FREM2: variants seen among roughly 807,000 people sequenced by gnomAD.
The protein encoded by FREM2 is FRAS1-related extracellular matrix protein 2.
A neutral mutation model predicts 219.9 loss-of-function variants in FREM2; 119 were observed. That is an observed-to-expected ratio of 0.54 (90% CI 0.47 to 0.63). The LOEUF (loss-of-function observed/expected upper bound fraction) is 0.63. Among genes scored for constraint, FREM2 ranks in the 30% least tolerant of loss-of-function variants. FREM2 has a pLI of 0.00. For missense variants in FREM2, 4,030 were observed against 3,993.6 expected, an observed-to-expected ratio of 1.01 and a Z score of -0.25; for synonymous variants, 1,562 against 1,522.8, an observed-to-expected ratio of 1.03 and a Z score of -0.60.
At chr13:38,879,288 A>G (rs1157939178) in intron 23 of FREM2, among the ~76,000 whole-genome samples, 1 of 152,234 alleles carries the variant, frequency 6.6e-6, no homozygotes, top group African/African-American at 2.4e-5. Flanking sequence ...TTTAGCCCAG[A>G]ATATAAATCT....
intron 6 of FREM2, among the ~76,000 whole-genome samples, chr13:38,833,690 T>G (rs929200218): frequency 6.8e-6 from 1 of 146,688 alleles, no homozygotes; most frequent in African/African-American, 2.4e-5. Context: ...TCCTTTGGAT[T>G]TATTTATTTA....
intron 6 of FREM2, among the ~76,000 whole-genome samples, chr13:38,841,853 T>C (rs1186730603): frequency 1.3e-5 from 2 of 152,208 alleles, no homozygotes; most frequent in African/African-American, 2.4e-5. Flanking sequence ...TTGCATTGAT[T>C]AAACTAAGTG....
Position 38,851,053 on chromosome 13 carries a change from G to A in FREM2, c.6687G>A (p.Gly2229=). The A allele has an allele frequency of 3.1e-6, 5 of 1,613,988 alleles. No individual in the cohort carries two copies. The highest frequency in any genetic ancestry group is 4.2e-6 in the Non-Finnish European group (5 of 1,179,982). ...LGTPQSNSPF[G]AAVGEQNETL... ...CTCCACAAAGCAACTCTCCCTTTGG[G>A]GCTGCAGTTGGTGAACAAAATGAAA... The change falls in exon 10 of 24, where the codon GGG becomes GGA. Residue 2229 remains glycine (G), a synonymous_variant. Transcript: ENST00000280481.
In FREM2 at chr13:38,884,063, A is replaced by G. The variant is rs1043440391; in HGVS notation, c.*3276A>G. On this transcript the variant is annotated 3_prime_UTR_variant, in exon 24 of 24. Coordinates refer to ENST00000280481, the MANE Select transcript of FREM2 (RefSeq NM_207361.6). Reference sequence around the variant, plus strand: ...CTTCTTCCAGCTCGTTAGCAGCATTAGCACCTTCTGAATTCCACCCTCTCA... The same window carrying G: ...CTTCTTCCAGCTCGTTAGCAGCATTGGCACCTTCTGAATTCCACCCTCTCA... 6.6e-6 allele frequency: 1 copy of G among 152,210 alleles called. No individual in the cohort carries two copies. The highest frequency in any genetic ancestry group is 1.5e-5 in the Non-Finnish European group (1 of 68,048). 9.4% of individuals were successfully genotyped at this position (152,210 alleles called of 1,614,324 possible).
chr13:38,755,750 G>C (rs1205504407), intron 2 of FREM2, among the ~76,000 whole-genome samples: 1 of 152,210 alleles, frequency 6.6e-6, no homozygotes, highest in Non-Finnish European at 1.5e-5. Context: ...GGGAACCCCA[G>C]ATGTGGGCTG....
chr13:38,877,587 C>T (rs1021738757), intron 21 of FREM2, among the ~76,000 whole-genome samples: 4 of 152,008 alleles, frequency 2.6e-5, no homozygotes, highest in Non-Finnish European at 5.9e-5. Flanking sequence ...ATTGTGCCTG[C>T]CTTACTCAAT....
Position 38,846,641 on chromosome 13 carries a change from G to T in FREM2, c.6088G>T (p.Val2030Leu). The change falls in exon 7 of 24, where the codon GTG (valine) becomes TTG (leucine). Residue 2030 changes from valine (V) to leucine (L), a missense_variant. Around this residue, in one of 2 missense-constraint regions of FREM2, gnomAD observed 3,102 missense variants for 2,950.7 expected, o/e 1.05. Transcript: ENST00000280481. ...GAGTGCTGGCTATGTGGAAGTGCAG[G>T]TGTGGAGAACGGGCACTGACCTGTC... is the stretch of plus-strand genomic sequence containing the variant. ...DESAGYVEVQVWRTGTDLSKS... is the reference protein window; with the variant it reads ...DESAGYVEVQLWRTGTDLSKS... 1.9e-6 allele frequency: 3 copies of T among 1,613,852 alleles called. No homozygotes were observed. The highest frequency in any genetic ancestry group is 1.7e-5 in the Admixed American group (1 of 60,012).
chr13:38,702,858 A>G (rs974336132), intron 2 of FREM2, among the ~76,000 whole-genome samples: 1 of 152,238 alleles, frequency 6.6e-6, no homozygotes. Context: ...TGTGTTGGCC[A>G]TTATAGTGTT....
chr13:38,770,182 A>C (rs541969350), intron 4 of FREM2, among the ~76,000 whole-genome samples: 95 of 147,898 alleles, frequency 6.4e-4, no homozygotes, highest in African/African-American at 2.2e-3. Context: ...TTATATATAA[A>C]TTATTTACAT....
At chr13:38,804,415 C>A (rs1875140914) in intron 6 of FREM2, among the ~76,000 whole-genome samples, 1 of 151,594 alleles carries the variant, frequency 6.6e-6, no homozygotes, top group Admixed American at 6.6e-5. Context: ...AATATCTTGC[C>A]ATTTAAAAAA....
intron 6 of FREM2, among the ~76,000 whole-genome samples, chr13:38,814,870 T>G (rs989592960): frequency 3.9e-5 from 6 of 152,182 alleles, no homozygotes; most frequent in Non-Finnish European, 8.8e-5. Flanking sequence ...TGGGGGGCTC[T>G]ACTAGGCCAC....
chr13:38,809,179 C>T (rs918237370), intron 6 of FREM2, among the ~76,000 whole-genome samples: 2 of 150,306 alleles, frequency 1.3e-5, no homozygotes, highest in South Asian at 2.1e-4. Context: ...TTTTTATACT[C>T]TCAGTAGTAT....
chr13:38,880,683 A>C lies in FREM2; in HGVS notation c.9406A>C (p.Arg3136=), dbSNP rs1428441401. The change falls in exon 24 of 24, where the codon AGG becomes CGG. Residue 3136 remains arginine, a synonymous_variant. Transcript: ENST00000280481. Reference sequence around the variant, plus strand: ...CACTGTCATTGCAGTGCTGATGTGCAGGGGCAAGGAAAGTTTCAGGGGGAA... The same window carrying C: ...CACTGTCATTGCAGTGCTGATGTGCCGGGGCAAGGAAAGTTTCAGGGGGAA... ...CLTVIAVLMC[R]GKESFRGKDA... The C allele has an allele frequency of 6.2e-7, 1 of 1,614,166 alleles. No individual in the cohort carries two copies. Among genetic ancestry groups the C allele is most frequent in the South Asian group, 1.1e-5 (1 of 91,076 alleles).
At chr13:38,809,368 G>T (rs1250990565) in intron 6 of FREM2, among the ~76,000 whole-genome samples, 1 of 151,444 alleles carries the variant, frequency 6.6e-6, no homozygotes, top group East Asian at 1.9e-4. Context: ...GGCTGCCTGT[G>T]CTTATGGGGT....
chr13:38,875,768 A>G (rs372254310), intron 18 of FREM2, among the ~76,000 whole-genome samples: 1 of 152,336 alleles, frequency 6.6e-6, no homozygotes, highest in African/African-American at 2.4e-5. Context: ...ACTATAGAGC[A>G]GAAACAGTAC....
intron 2 of FREM2, among the ~76,000 whole-genome samples, chr13:38,729,688 T>A (rs1285045580): frequency 6.6e-6 from 1 of 152,234 alleles, no homozygotes; most frequent in African/African-American, 2.4e-5. Flanking sequence ...TGAGGCTTTC[T>A]TTAGACTTTA....
intron 2 of FREM2, among the ~76,000 whole-genome samples, chr13:38,728,206 A>G (rs1464974855): frequency 6.6e-6 from 1 of 151,794 alleles, no homozygotes; most frequent in Non-Finnish European, 1.5e-5. Flanking sequence ...TTTCCTATCT[A>G]GTAATTTTCT....
chr13:38,691,119 G>C lies in FREM2; in HGVS notation c.3775G>C (p.Glu1259Gln). 1 of 1,614,102 alleles carries C rather than the reference G, an allele frequency of 6.2e-7. No homozygotes were observed. Among genetic ancestry groups the C allele is most frequent in the Non-Finnish European group, 8.5e-7 (1 of 1,180,018 alleles). The change falls in exon 1 of 24, where the codon GAG (glutamate) becomes CAG (glutamine). Residue 1259 changes from glutamate to glutamine, a missense_variant. Glu to Gln is a conservative substitution (Grantham distance 29). Coordinates refer to ENST00000280481, the MANE Select transcript of FREM2 (RefSeq NM_207361.6). ...VESFTLDQII[E>Q]SSSIIYEHDD... ...AAGCTTCACCTTGGATCAGATCATAGAGAGTTCCAGCATTATTTATGAGCA... is the reference window on the plus strand; with the variant it reads ...AAGCTTCACCTTGGATCAGATCATACAGAGTTCCAGCATTATTTATGAGCA...
intron 11 of FREM2, among the ~76,000 whole-genome samples, chr13:38,852,598 A>G (rs878895115): frequency 3.9e-5 from 6 of 152,172 alleles, no homozygotes; most frequent in Admixed American, 1.3e-4. Context: ...CAGTAAAAGT[A>G]TAGTGAAATA....
Sources: allele counts gnomAD v4.1 joint callset (sites outside exome capture counted in the v4.1 genomes callset), GRCh38; gene constraint gnomAD v4.1.1; regional missense constraint gnomAD v4.1.1; transcripts MANE v1.5; gene names NCBI Gene and HGNC (gene_info 2026-07-23, HGNC 2026-07-21).